The following NPAS3 variants were observed in gnomAD, a reference collection of about 807,000 sequenced individuals.
The protein encoded by NPAS3 is neuronal PAS domain protein 3.
NPAS3 carries 14 observed loss-of-function variants against 73.1 expected under a neutral mutation model. The observed-to-expected ratio is 0.19, with a 90% CI of 0.13 to 0.30. NPAS3 has a LOEUF of 0.30. NPAS3 is among the 10% of genes least tolerant of loss of function. The pLI, the probability that NPAS3 is intolerant of heterozygous loss-of-function variation, is 1.00. For missense variants in NPAS3, 1,096 were observed against 1,250.0 expected (o/e 0.88, Z 1.86); for synonymous variants, 620 against 541.5 (o/e 1.14, Z -2.01).
intron 4 of NPAS3, among the ~76,000 whole-genome samples, chr14:33,531,259 T>C (rs2140176526): frequency 6.6e-6 from 1 of 152,176 alleles, no homozygotes; most frequent in East Asian, 1.9e-4. Context: ...TGCAATTTTA[T>C]AAATTTTAAC....
intron 4 of NPAS3, among the ~76,000 whole-genome samples, chr14:33,475,549 T>TAAA (rs5807728): frequency 0.017 from 1,914 of 112,640 alleles, 55 homozygotes; most frequent in African/African-American, 0.052. Flanking sequence ...AACTAAGATC[T>TAAA]AAAAAAAAAA....
chr14:33,363,466 T>C (rs1218177345), intron 3 of NPAS3, among the ~76,000 whole-genome samples: 1 of 152,240 alleles, frequency 6.6e-6, no homozygotes, highest in Non-Finnish European at 1.5e-5. Context: ...TCGGATCATT[T>C]TGGATTTCTG....
intron 3 of NPAS3, among the ~76,000 whole-genome samples, chr14:33,329,103 T>G (rs1436471726): frequency 6.6e-6 from 1 of 152,166 alleles, no homozygotes; most frequent in East Asian, 1.9e-4. Context: ...AATTGATAGC[T>G]CAGGTATGAT....
intron 1 of NPAS3, among the ~76,000 whole-genome samples, chr14:33,008,938 AC>A (rs2039092258): frequency 6.6e-6 from 1 of 152,168 alleles, no homozygotes; most frequent in Non-Finnish European, 1.5e-5. Flanking sequence ...TTATTTTGCA[AC>A]ATGCTACCTT....
chr14:33,374,022 T>C (rs931992643), intron 4 of NPAS3, among the ~76,000 whole-genome samples: 2 of 152,170 alleles, frequency 1.3e-5, no homozygotes, highest in Non-Finnish European at 2.9e-5. Context: ...CACAAATGTG[T>C]CCTGTGCTAA....
At chr14:33,711,191 TA>T (rs2060808773) in intron 6 of NPAS3, among the ~76,000 whole-genome samples, 1 of 152,204 alleles carries the variant, frequency 6.6e-6, no homozygotes, top group Non-Finnish European at 1.5e-5. Context: ...TTTACTAAGA[TA>T]AAATTAATGT....
chr14:33,604,961 G>A (rs2057510852), intron 5 of NPAS3, among the ~76,000 whole-genome samples: 1 of 151,932 alleles, frequency 6.6e-6, no homozygotes, highest in Non-Finnish European at 1.5e-5. Flanking sequence ...GAAGTAGTTG[G>A]GGGAAATTTA....
chr14:33,414,110 A>C (rs983849225), intron 4 of NPAS3, among the ~76,000 whole-genome samples: 3 of 152,100 alleles, frequency 2.0e-5, no homozygotes, highest in African/African-American at 4.8e-5. Flanking sequence ...ATTTCCATGC[A>C]TTTTACTTCT....
intron 4 of NPAS3, among the ~76,000 whole-genome samples, chr14:33,544,802 A>ATATATATATAT (rs2054724585): frequency 2.4e-5 from 2 of 82,558 alleles, no homozygotes; most frequent in South Asian, 6.5e-4. Flanking sequence ...ATATATATAT[A>ATATATATATAT]TATATATATG....
intron 1 of NPAS3, among the ~76,000 whole-genome samples, chr14:32,963,729 A>G (rs954224352): frequency 2.0e-5 from 3 of 152,236 alleles, no homozygotes; most frequent in Non-Finnish European, 4.4e-5. Flanking sequence ...ATTAATTTTT[A>G]GTATTCAACT....
intron 3 of NPAS3, among the ~76,000 whole-genome samples, chr14:33,218,009 G>C (rs17100395): frequency 0.022 from 3,411 of 151,984 alleles, 105 homozygotes; most frequent in African/African-American, 0.076. Context: ...TTATTTTGTG[G>C]CCTTCAATTC....
chr14:33,026,154 C>T (rs1433410445), intron 1 of NPAS3, among the ~76,000 whole-genome samples: 1 of 152,150 alleles, frequency 6.6e-6, no homozygotes, highest in African/African-American at 2.4e-5. Flanking sequence ...TCATTATTTA[C>T]ATAAGATGAC....
intron 1 of NPAS3, among the ~76,000 whole-genome samples, chr14:32,966,963 G>C (rs538888355): frequency 1.3e-5 from 2 of 152,216 alleles, no homozygotes; most frequent in South Asian, 4.1e-4. Context: ...CACAGTGAAG[G>C]AAACAATCGA....
At chr14:33,183,161 C>T (rs2045854960) in intron 2 of NPAS3, among the ~76,000 whole-genome samples, 1 of 152,132 alleles carries the variant, frequency 6.6e-6, no homozygotes, top group South Asian at 2.1e-4. Flanking sequence ...TGCGGTGGCT[C>T]ATGCCTGTAA....
At chr14:33,411,202 T>C (rs2047910248) in intron 4 of NPAS3, among the ~76,000 whole-genome samples, 1 of 152,188 alleles carries the variant, frequency 6.6e-6, no homozygotes, top group African/African-American at 2.4e-5. Context: ...TGTTTTGTTG[T>C]TTTTGAGACG....
In NPAS3 at chr14:33,709,340, C is replaced by G. The variant is rs142281477; in HGVS notation, c.734-25874C>G. 1.6e-3 allele frequency among the ~76,000 whole-genome samples: 240 copies of G among 152,262 alleles called. 1 individual carries two copies. The highest frequency in any genetic ancestry group is 0.014 in the Admixed American group (211 of 15,284). On this transcript the variant is annotated intron_variant, in intron 6 of 11. Coordinates refer to ENST00000356141, the Ensembl canonical transcript of NPAS3. The stretch of plus-strand genomic sequence containing the variant: ...AATTTAAAGGAAAAACCGTCCCACC[C>G]CGAAGGCTGATGAATAATATCACAG...
intron 4 of NPAS3, among the ~76,000 whole-genome samples, chr14:33,481,144 A>G (rs1200648903): frequency 6.6e-6 from 1 of 152,166 alleles, no homozygotes; most frequent in East Asian, 1.9e-4. Flanking sequence ...TATAAGCACA[A>G]TGCTTAGGAA....
chr14:33,199,222 G>C (rs1427886489), intron 2 of NPAS3, among the ~76,000 whole-genome samples: 1 of 152,114 alleles, frequency 6.6e-6, no homozygotes, highest in African/African-American at 2.4e-5. Flanking sequence ...CTCCTCAAGC[G>C]TGGCCAGAGC....
intron 2 of NPAS3, among the ~76,000 whole-genome samples, chr14:33,207,467 A>G (rs2046874222): frequency 6.6e-6 from 1 of 152,200 alleles, no homozygotes; most frequent in African/African-American, 2.4e-5. Flanking sequence ...TCCAAATTGT[A>G]AACCAGTGGC....
Sources: allele counts gnomAD v4.1 joint callset (sites outside exome capture counted in the v4.1 genomes callset), GRCh38; gene constraint gnomAD v4.1.1; transcripts MANE v1.5; gene names NCBI Gene and HGNC (gene_info 2026-07-23, HGNC 2026-07-21).